WDR48: variants seen among roughly 807,000 people sequenced by gnomAD.
The protein encoded by WDR48 is WD repeat domain 48.
In WDR48, 22 loss-of-function variants were observed where a neutral mutation model predicts 94.0. The ratio of observed to expected loss-of-function variants is 0.23; its 90% CI spans 0.17 to 0.33. WDR48 has a LOEUF of 0.33. Among genes scored for constraint, WDR48 ranks in the 10% least tolerant of loss-of-function variants. The probability of loss-of-function intolerance (pLI) is 1.00; values close to 1 mark genes in which losing one functional copy is unlikely to be tolerated. For missense variants in WDR48, 541 were observed against 813.8 expected (o/e 0.66, Z 4.08); for synonymous variants, 278 against 280.5 (o/e 0.99, Z 0.09).
chr3:39,078,387 A>G (rs1180280270), intron 10 of WDR48, 148 bp downstream of exon 10: 9 of 655,240 alleles, frequency 1.4e-5, no homozygotes, highest in Non-Finnish European at 2.1e-5. Context: ...TATAAGGAAA[A>G]GGTTTTTTTT....
Position 39,077,164 on chromosome 3 carries a change from C to T in WDR48, c.923C>T (p.Pro308Leu), listed in dbSNP as rs144605947. Residue 308 changes from proline to leucine, a missense_variant, in exon 9 of 19, where the codon CCT (proline) becomes CTT (leucine). Physicochemically the swap from Pro to Leu is moderately conservative, Grantham distance 98 (BLOSUM62 -3). Coordinates refer to ENST00000302313, the MANE Select transcript of WDR48 (RefSeq NM_020839.4). ...LKMELDRSAD[P>L]PPAIWVATTK... Reference sequence around the variant, plus strand: ...ATGGAGCTTGATAGATCAGCTGATCCTCCTCCTGCAATTTGGGTTGCAACA... The same window carrying T: ...ATGGAGCTTGATAGATCAGCTGATCTTCCTCCTGCAATTTGGGTTGCAACA... 2.4e-5 allele frequency: 38 copies of T among 1,614,092 alleles called. No homozygotes were observed. The African/African-American group carries it at 4.4e-4, about 19-fold the overall frequency.
chr3:39,075,064 G>T (rs1006909643), intron 8 of WDR48, 114 bp downstream of exon 8: 2 of 1,053,438 alleles, frequency 1.9e-6, no homozygotes, highest in Non-Finnish European at 2.7e-6. Context: ...GAGGGGGAAG[G>T]TTTGTAAAAA....
At chr3:39,054,848 C>A (rs1279306290) in intron 1 of WDR48, among the ~76,000 whole-genome samples, 1 of 152,200 alleles carries the variant, frequency 6.6e-6, no homozygotes, top group Non-Finnish European at 1.5e-5. Context: ...AGCAAGTCAA[C>A]ATGGCATATT....
intron 18 of WDR48, chr3:39,094,408 G>A (rs990659272): frequency 1.5e-5 from 22 of 1,509,478 alleles, no homozygotes; most frequent in Middle Eastern, 1.9e-4. Flanking sequence ...CACTCAAAAC[G>A]TATCCTCAGA....
At chr3:39,068,884 T>TAA in intron 6 of WDR48, 25 bp downstream of exon 6, 1 of 1,510,838 alleles carries the variant, frequency 6.6e-7, no homozygotes, top group Non-Finnish European at 8.9e-7. Context: ...ATTTCTTTAT[T>TAA]TAAAAAAAAA....
intron 3 of WDR48, 46 bp downstream of exon 3, chr3:39,065,935 G>A: frequency 3.5e-6 from 5 of 1,447,904 alleles, no homozygotes; most frequent in Non-Finnish European, 4.7e-6. Context: ...TATATTTTTT[G>A]TTTTTTATAT....
chr3:39,077,058 T>C (rs1458646346), intron 8 of WDR48, 81 bp from the exon 9 acceptor site: 2 of 1,477,472 alleles, frequency 1.4e-6, no homozygotes, highest in East Asian at 4.5e-5. Flanking sequence ...ATGAAGGAGT[T>C]GATATTAATA....
chr3:39,063,576 T>C (rs907653226), intron 2 of WDR48, among the ~76,000 whole-genome samples: 3 of 152,212 alleles, frequency 2.0e-5, no homozygotes, highest in Admixed American at 2.0e-4. Context: ...CTAATTAATC[T>C]TGAAAAAATA....
chr3:39,071,005 C>A (rs888853903), intron 7 of WDR48, among the ~76,000 whole-genome samples: 7 of 152,168 alleles, frequency 4.6e-5, no homozygotes, highest in African/African-American at 1.7e-4. Flanking sequence ...CTACAAAGGA[C>A]ATGAACTCAT....
In WDR48 at chr3:39,084,721, C is replaced by T. The variant is rs376616358; in HGVS notation, c.1358C>T (p.Pro453Leu). Residue 453 changes from proline to leucine, a missense_variant, in exon 13 of 19, where the codon CCT becomes CTT. Physicochemically the swap from Pro to Leu is moderately conservative, Grantham distance 98. Transcript: ENST00000302313. ...VSAKDAGFSS[P>L]DGSDPKLNLG... ...GCAAAAGATGCTGGTTTCAGCAGCC[C>T]TGATGGGTCAGATCCAAAATGTGAG... 13 of 1,613,284 alleles carry T rather than the reference C, an allele frequency of 8.1e-6. No homozygotes were observed. The highest frequency in any genetic ancestry group is 1.1e-5 in the South Asian group (1 of 91,010).
intron 5 of WDR48, among the ~76,000 whole-genome samples, chr3:39,068,396 A>C (rs1467362383): frequency 1.3e-5 from 2 of 152,072 alleles, no homozygotes; most frequent in Non-Finnish European, 2.9e-5. Flanking sequence ...TTTACAATCA[A>C]GTATTACCTT....
chr3:39,078,152 C>A lies in WDR48; in HGVS notation c.988C>A (p.His330Asn). ...GTAATTTTAGACTTTGAAAGGAATT[C>A]ATAATTTTAGAGCCTCTGGAGATTA... ...TVNKWTLKGI[H>N]NFRASGDYDN... Residue 330 changes from histidine (H) to asparagine (N), a missense_variant, in exon 10 of 19, where the codon CAT (histidine) becomes AAT (asparagine). Around this residue, in one of 5 missense-constraint regions of WDR48, gnomAD observed 238 missense variants for 285.3 expected, o/e 0.83. Coordinates refer to ENST00000302313, the MANE Select transcript of WDR48 (RefSeq NM_020839.4). The A allele has an allele frequency of 6.2e-7, 1 of 1,611,176 alleles. No homozygotes were observed. Among genetic ancestry groups the A allele is most frequent in the South Asian group, 1.1e-5 (1 of 90,792 alleles).
intron 7 of WDR48, among the ~76,000 whole-genome samples, chr3:39,072,433 T>G (rs1429163342): frequency 6.6e-6 from 1 of 152,186 alleles, no homozygotes; most frequent in African/African-American, 2.4e-5. Flanking sequence ...TCTCAGAGCA[T>G]CAGGCCACTT....
chr3:39,072,588 A>G (rs1020237477), intron 7 of WDR48, among the ~76,000 whole-genome samples: 1 of 152,256 alleles, frequency 6.6e-6, no homozygotes, highest in African/African-American at 2.4e-5. Context: ...TGGCAGAAAC[A>G]AAGAGCACCT....
intron 11 of WDR48, among the ~76,000 whole-genome samples, chr3:39,083,060 G>T (rs1360073149): frequency 6.6e-6 from 1 of 152,196 alleles, no homozygotes; most frequent in Non-Finnish European, 1.5e-5. Flanking sequence ...GAAGAAGCTT[G>T]CGGTTAGTGG....
At chr3:39,062,955 T>G in intron 1 of WDR48, 95 bp from the exon 2 acceptor site, 1 of 1,460,340 alleles carries the variant, frequency 6.8e-7, no homozygotes, top group Non-Finnish European at 9.3e-7. Context: ...TTGGAAAACA[T>G]GGGATTTTCT....
At chr3:39,075,696 ATT>A (rs1332705894) in intron 8 of WDR48, among the ~76,000 whole-genome samples, 1 of 144,758 alleles carries the variant, frequency 6.9e-6, no homozygotes, top group Non-Finnish European at 1.5e-5. Flanking sequence ...AGTTTCCAAA[ATT>A]TTTTTTTTTT....
chr3:39,090,613 T>C (rs2035030554), intron 16 of WDR48: 1 of 152,212 alleles, frequency 6.6e-6, no homozygotes, highest in Non-Finnish European at 1.5e-5. Context: ...TTAGACTTTT[T>C]CCAAAGGGAC....
At chr3:39,078,985 C>G (rs1575421444) in intron 10 of WDR48, among the ~76,000 whole-genome samples, 1 of 150,176 alleles carries the variant, frequency 6.7e-6, no homozygotes, top group Admixed American at 6.6e-5. Context: ...AGCCGAGATC[C>G]CGCCACTGCA....
Sources: gnomAD v4.1 joint callset for allele counts (sites outside exome capture counted in the v4.1 genomes callset) on GRCh38, gnomAD v4.1.1 for gene constraint, gnomAD v4.1.1 regional missense constraint, MANE v1.5 for transcripts, NCBI Gene and HGNC (gene_info 2026-07-23, HGNC 2026-07-21) for gene names.